Variants in DHX16 observed in about 807,000 individuals in gnomAD.
The protein encoded by DHX16 is pre-mRNA-splicing factor ATP-dependent RNA helicase DHX16.
Under a neutral mutation model 131.2 loss-of-function variants are expected in DHX16, and 81 were observed. The observed-to-expected ratio is 0.62, with a 90% CI of 0.52 to 0.74. The LOEUF (loss-of-function observed/expected upper bound fraction) is 0.74. DHX16 is among the 30% of genes least tolerant of loss of function. The pLI is 0.00. For synonymous variants in DHX16, 440 were observed against 520.2 expected (o/e 0.85, Z 2.10); for missense variants, 980 against 1,363.1 (o/e 0.72, Z 4.43).
Position 30,660,096 on chromosome 6 carries a change from A to G in DHX16, c.1691T>C (p.Phe564Ser). 1 of 1,612,734 alleles carries G rather than the reference A, an allele frequency of 6.2e-7. No individual in the cohort carries two copies. The highest frequency in any genetic ancestry group is 8.5e-7 in the Non-Finnish European group (1 of 1,179,870). ...TMDTARFSTF[F>S]DDAPVFRIPG... ...GATTCGAAACACAGGGGCGTCATCA[A>G]AGAAGGTGGAAAAACGGGCAGTGTC... is the stretch of plus-strand genomic sequence containing the variant. Residue 564 changes from phenylalanine (F) to serine (S), a missense_variant, in exon 10 of 20, where the codon TTT (phenylalanine) becomes TCT (serine). By Grantham distance (155) the Phe-to-Ser change is radical. Transcript: ENST00000376442.
chr6:30,658,388 C>CA (rs1768168535), intron 12 of DHX16, among the ~76,000 whole-genome samples: 1 of 152,130 alleles, frequency 6.6e-6, no homozygotes, highest in African/African-American at 2.4e-5. Context: ...ACTAAAAATA[C>CA]AAAAAATTGG....
Position 30,672,641 on chromosome 6 carries a change from C to G in DHX16, c.201G>C (p.Trp67Cys), listed in dbSNP as rs928660994. 6.2e-7 allele frequency: 1 copy of G among 1,609,760 alleles called. No individual in the cohort carries two copies. Among genetic ancestry groups the G allele is most frequent in the African/African-American group, 1.3e-5 (1 of 74,888 alleles). Reference sequence around the variant, plus strand: ...TCCCCACCCCTGCCGACACCTTGTTCCAGAGTCTCAGGGCGAAGTCCCGGG... The same window carrying G: ...TCCCCACCCCTGCCGACACCTTGTTGCAGAGTCTCAGGGCGAAGTCCCGGG... ...GPARDFALRLWNKVPRKAVVE... is the reference protein window; with the variant it reads ...GPARDFALRLCNKVPRKAVVE... The change falls in exon 1 of 20, where the codon TGG becomes TGC. Residue 67 changes from tryptophan to cysteine, a missense_variant. Coordinates refer to ENST00000376442, the MANE Select transcript of DHX16 (RefSeq NM_003587.5).
chr6:30,656,706 G>T lies in DHX16; in HGVS notation c.2202C>A (p.Cys734Ter). The change falls in exon 14 of 20, where the codon TGC becomes TGA. Residue 734 changes from cysteine to a stop codon, truncating the protein, a stop_gained. Coordinates refer to ENST00000376442, the MANE Select transcript of DHX16 (RefSeq NM_003587.5). LOFTEE classifies it high-confidence loss of function. This position sits in a 1 kb window ranked among gnomAD's most constrained non-coding sequence, Gnocchi z 5.1. ...GRAGRVAAGKCFRLYTAWAYQ... is the reference protein window; with the variant it reads ...GRAGRVAAGK ...AGGCCCAGGCGGTATACAGGCGGAAGCACTTCCCTGCAGCCACCCGACCTG... is the reference window on the plus strand; with the variant it reads ...AGGCCCAGGCGGTATACAGGCGGAATCACTTCCCTGCAGCCACCCGACCTG... 1 of 1,613,280 alleles carries T rather than the reference G, an allele frequency of 6.2e-7. No individual in the cohort carries two copies.
In DHX16 at chr6:30,655,493, C is replaced by T. The variant is rs188444038; in HGVS notation, c.2603G>A (p.Arg868His). 1.5e-5 allele frequency: 24 copies of T among 1,613,272 alleles called. No homozygotes were observed. The highest frequency in any genetic ancestry group is 4.5e-5 in the East Asian group (2 of 44,880). The change falls in exon 17 of 20, where the codon CGT becomes CAT. Residue 868 changes from arginine to histidine, a missense_variant. By Grantham distance (29) the Arg-to-His change is conservative (BLOSUM62 0). Coordinates refer to ENST00000376442, the MANE Select transcript of DHX16 (RefSeq NM_003587.5). ...KDKVVHADNARVNFFLPGGDH... is the reference protein window; with the variant it reads ...KDKVVHADNAHVNFFLPGGDH... ...ACCGCCAGGGAGAAAGAAGTTGACA[C>T]GGGCATTGTCAGCATGGACGACCTT...
At chr6:30,655,147 G>C (rs1482769027) in intron 18 of DHX16, 28 bp downstream of exon 18, 2 of 1,613,780 alleles carry the variant, frequency 1.2e-6, no homozygotes, top group Non-Finnish European at 1.7e-6. Context: ...ACTGGGGGTG[G>C]AAAGCAGGAG....
In DHX16 at chr6:30,656,771, G is replaced by C; in HGVS notation, c.2149-12C>G. On this transcript the variant is annotated splice_polypyrimidine_tract_variant and intron_variant, in intron 13 of 19. Coordinates refer to ENST00000376442, the MANE Select transcript of DHX16 (RefSeq NM_003587.5). This position sits in a 1 kb window ranked among gnomAD's most constrained non-coding sequence, Gnocchi z 5.1. ...TGATTGGCTGAGGCCTGGAAAGAAA[G>C]GGGAACAGGCTGGCTGACAATTTGG... 1 of 1,611,464 alleles carries C rather than the reference G, an allele frequency of 6.2e-7. No homozygotes were observed. Among genetic ancestry groups the C allele is most frequent in the Non-Finnish European group, 8.5e-7 (1 of 1,179,962 alleles).
chr6:30,663,073 T>C (rs1768674106), intron 7 of DHX16, 52 bp from the exon 8 acceptor site: 1 of 1,367,942 alleles, frequency 7.3e-7, no homozygotes, highest in Non-Finnish European at 1.0e-6. Flanking sequence ...ATATGCACCC[T>C]GGGACCAGGT....
In DHX16 at chr6:30,653,219, C is replaced by G; in HGVS notation, c.*23G>C. 2 of 1,604,860 alleles carry G rather than the reference C, an allele frequency of 1.2e-6. No individual in the cohort carries two copies. Among genetic ancestry groups the G allele is most frequent in the Non-Finnish European group, 1.7e-6 (2 of 1,177,690 alleles). On this transcript the variant is annotated 3_prime_UTR_variant, in exon 20 of 20. Transcript: ENST00000376442. Reference sequence around the variant, plus strand: ...GTATAGAAGGAAAAGGAGCTGGTGTCAGGTTCTGTTTACGTCCTTCTCTTA... The same window carrying G: ...GTATAGAAGGAAAAGGAGCTGGTGTGAGGTTCTGTTTACGTCCTTCTCTTA...
At chr6:30,666,083 A>C (rs1769017617) in intron 4 of DHX16, among the ~76,000 whole-genome samples, 4 of 152,216 alleles carry the variant, frequency 2.6e-5, no homozygotes, top group Admixed American at 1.3e-4. Flanking sequence ...GGGGAAAATA[A>C]AAGGCTAATC....
intron 12 of DHX16, among the ~76,000 whole-genome samples, chr6:30,657,780 C>T (rs1019577745): frequency 9.9e-5 from 15 of 152,090 alleles, no homozygotes; most frequent in African/African-American, 3.6e-4. Flanking sequence ...GTCTCTATTC[C>T]ACTTTCCCCT....
rs771728483 is a variant in DHX16, at chr6:30,653,233, G to A, written c.*9C>T. The A allele has an allele frequency of 2.0e-5, 33 of 1,611,778 alleles. No homozygotes were observed. In the African/African-American group the frequency reaches 2.4e-4, roughly 12 times the overall value. Reference sequence around the variant, plus strand: ...GGAGCTGGTGTCAGGTTCTGTTTACGTCCTTCTCTTACCCTAGCTCTTCTC... The same window carrying A: ...GGAGCTGGTGTCAGGTTCTGTTTACATCCTTCTCTTACCCTAGCTCTTCTC... On this transcript the variant is annotated 3_prime_UTR_variant, in exon 20 of 20. Coordinates refer to ENST00000376442, the MANE Select transcript of DHX16 (RefSeq NM_003587.5).
intron 1 of DHX16, among the ~76,000 whole-genome samples, chr6:30,671,731 GTTT>G (rs955787345): frequency 6.6e-6 from 1 of 151,994 alleles, no homozygotes; most frequent in Non-Finnish European, 1.5e-5. Flanking sequence ...CCTGAATGGG[GTTT>G]TTTATTTTTT....
intron 12 of DHX16, among the ~76,000 whole-genome samples, chr6:30,657,717 T>C (rs1768114537): frequency 6.6e-6 from 1 of 152,152 alleles, no homozygotes; most frequent in African/African-American, 2.4e-5. Context: ...TCCCTCTGTC[T>C]GGCATACTCT....
intron 4 of DHX16, among the ~76,000 whole-genome samples, chr6:30,666,809 TA>T (rs1292593576): frequency 2.7e-5 from 4 of 150,458 alleles, no homozygotes; most frequent in Admixed American, 2.7e-4. Context: ...ACTGCATCTT[TA>T]AAAAAAAAGC....
In DHX16 at chr6:30,656,135, C is replaced by G; in HGVS notation, c.2498+63G>C. On this transcript the variant is annotated intron_variant, in intron 16 of 19. Coordinates refer to ENST00000376442, the MANE Select transcript of DHX16 (RefSeq NM_003587.5). The surrounding 1 kb of genome is among the most constrained non-coding windows in gnomAD (Gnocchi z 5.1). ...CAGAAAAAGACAGACAAAGGGGACC[C>G]TGGAGACAGAGGAGGCCTGGCCTGT... 6.7e-7 allele frequency: 1 copy of G among 1,502,040 alleles called. No individual in the cohort carries two copies. The highest frequency in any genetic ancestry group is 9.2e-7 in the Non-Finnish European group (1 of 1,084,604). 93.0% of individuals were successfully genotyped at this position (1,502,040 alleles called of 1,614,324 possible).
Position 30,653,350 on chromosome 6 carries a change from A to G in DHX16, c.3018T>C (p.Ser1006=). 6.2e-7 allele frequency: 1 copy of G among 1,612,758 alleles called. No homozygotes were observed. The highest frequency in any genetic ancestry group is 8.5e-7 in the Non-Finnish European group (1 of 1,179,930). The stretch of plus-strand genomic sequence containing the variant: ...AATGGGGAGCCACCTCCAGAAGCCA[A>G]CTGCTCTCAATCTCCAGTACCTAGG... The part of the protein sequence containing the change: ...FMRQVLEIES[S]WLLEVAPHYY... The change falls in exon 20 of 20, where the codon AGT becomes AGC. Residue 1006 remains serine (S), a synonymous_variant. Coordinates refer to ENST00000376442, the MANE Select transcript of DHX16 (RefSeq NM_003587.5).
Position 30,662,685 on chromosome 6 carries a change from T to C in DHX16, c.1486A>G (p.Met496Val). ...CTSERTVLRYMTDGMLLREFL... is the reference protein window; with the variant it reads ...CTSERTVLRYVTDGMLLREFL... ...TCCCGGAGAAGCATCCCATCTGTCATGTAGCGGAGGACAGTTCGCTCTGAT... is the reference window on the plus strand; with the variant it reads ...TCCCGGAGAAGCATCCCATCTGTCACGTAGCGGAGGACAGTTCGCTCTGAT... The change falls in exon 9 of 20, where the codon ATG becomes GTG. Residue 496 changes from methionine (M) to valine (V), a missense_variant. Met to Val is a conservative substitution (Grantham distance 21). Around this residue, in one of 3 missense-constraint regions of DHX16, gnomAD observed 309 missense variants for 537.1 expected, o/e 0.58. Transcript: ENST00000376442. The surrounding 1 kb of genome is among the most constrained non-coding windows in gnomAD (Gnocchi z 4.7). 3 of 1,613,120 alleles carry C rather than the reference T, an allele frequency of 1.9e-6. No homozygotes were observed. Among genetic ancestry groups the C allele is most frequent in the Non-Finnish European group, 2.5e-6 (3 of 1,180,040 alleles).
chr6:30,655,599 T>TA lies in DHX16; in HGVS notation c.2499-3_2499-2insT. 2 of 1,613,038 alleles carry TA rather than the reference T, an allele frequency of 1.2e-6. No homozygotes were observed. The highest frequency in any genetic ancestry group is 1.7e-6 in the Non-Finnish European group (2 of 1,180,006). Reference sequence around the variant, plus strand: ...AGGATCTCCTCTGAACAGCTGTACCTGGGACAGGAAGGGGAAAGCATGAGT... The same window carrying TA: ...AGGATCTCCTCTGAACAGCTGTACCTAGGGACAGGAAGGGGAAAGCATGAGT... On this transcript the variant is annotated splice_polypyrimidine_tract_variant and splice_region_variant and intron_variant, in intron 16 of 19. Transcript: ENST00000376442.
chr6:30,653,344 A>G lies in DHX16; in HGVS notation c.3024T>C (p.Leu1008=), dbSNP rs887757017. The change falls in exon 20 of 20, where the codon CTT becomes CTC. Residue 1008 remains leucine (L), a synonymous_variant. Transcript: ENST00000376442. ...TATAATAATGGGGAGCCACCTCCAGAAGCCAACTGCTCTCAATCTCCAGTA... is the reference window on the plus strand; with the variant it reads ...TATAATAATGGGGAGCCACCTCCAGGAGCCAACTGCTCTCAATCTCCAGTA... ...RQVLEIESSW[L]LEVAPHYYKA... is the part of the protein sequence containing the mutation. 6.8e-6 allele frequency: 11 copies of G among 1,612,722 alleles called. No individual in the cohort carries two copies. In the Admixed American group the frequency reaches 1.8e-4, roughly 27 times the overall value.
Sources: allele counts gnomAD v4.1 joint callset (sites outside exome capture counted in the v4.1 genomes callset), GRCh38; gene constraint gnomAD v4.1.1; regional missense constraint gnomAD v4.1.1; non-coding constraint Gnocchi (gnomAD v3.1); transcripts MANE v1.5; gene names NCBI Gene and HGNC (gene_info 2026-07-23, HGNC 2026-07-21).